The following HCN1 variants were observed in gnomAD, a reference collection of about 807,000 sequenced individuals.
HCN1 encodes the protein potassium/sodium hyperpolarization-activated cyclic nucleotide-gated channel 1.
A neutral mutation model predicts 78.9 loss-of-function variants in HCN1; 13 were observed. That is an observed-to-expected ratio of 0.16 (90% confidence interval 0.11 to 0.26). The LOEUF is 0.26. Among genes scored for constraint, HCN1 ranks in the 10% least tolerant of loss-of-function variants. The pLI, the probability that HCN1 is intolerant of heterozygous loss-of-function variation, is 1.00. For missense variants in HCN1, 810 were observed against 1,154.3 expected (o/e 0.70, Z 4.32); for synonymous variants, 552 against 455.5 (o/e 1.21, Z -2.70).
chr5:45,420,079 G>C (rs1740197230), intron 3 of HCN1, among the ~76,000 whole-genome samples: 1 of 152,148 alleles, frequency 6.6e-6, no homozygotes, highest in Non-Finnish European at 1.5e-5. Context: ...ACTGAAGAAA[G>C]CCATTTATCT....
chr5:45,636,700 T>A lies in HCN1; in HGVS notation c.849+8485A>T, dbSNP rs556044828. On this transcript the variant is annotated intron_variant, in intron 2 of 7. Coordinates refer to ENST00000303230, the MANE Select transcript of HCN1 (RefSeq NM_021072.4). Reference sequence around the variant, plus strand: ...CTGTCTGTACAAAAGAAAAATTTTTTAAATTAGCCAGGAGTGGTGGCATGC... The same window carrying A: ...CTGTCTGTACAAAAGAAAAATTTTTAAAATTAGCCAGGAGTGGTGGCATGC... Among the ~76,000 whole-genome samples the A allele has an allele frequency of 9.9e-5, 15 of 152,130 alleles. 1 individual carries two copies. Among genetic ancestry groups the A allele is most frequent in the African/African-American group, 2.9e-4 (12 of 41,518 alleles).
chr5:45,362,292 T>C (rs1031876665), intron 4 of HCN1, among the ~76,000 whole-genome samples: 5 of 151,990 alleles, frequency 3.3e-5, no homozygotes, highest in East Asian at 3.9e-4. Context: ...TTTTTTTAAA[T>C]TGGACCATTT....
chr5:45,456,356 A>T (rs1442067228), intron 3 of HCN1, among the ~76,000 whole-genome samples: 2 of 152,048 alleles, frequency 1.3e-5, no homozygotes, highest in African/African-American at 4.8e-5. Flanking sequence ...AAAAATGCTG[A>T]TAATTACCAT....
rs200761035 is a variant in HCN1 at position 45,478,151 on chromosome 5, C to CA, written c.850-16145dup. ...CCTGGGTGACAATGAGACACTCTGT[C>CA]AAAAAAAAAATTCATATACTTTGAA... On this transcript the variant is annotated intron_variant, in intron 2 of 7. Transcript: ENST00000303230. 3.1e-4 allele frequency among the ~76,000 whole-genome samples: 45 copies of CA among 147,172 alleles called. 1 individual carries two copies. Among genetic ancestry groups the CA allele is most frequent in the East Asian group, 5.9e-4 (3 of 5,092 alleles).
chr5:45,353,275 A>T, intron 4 of HCN1, 29 bp from the exon 5 acceptor site: 3 of 1,519,424 alleles, frequency 2.0e-6, no homozygotes, highest in Non-Finnish European at 2.7e-6. Context: ...AAAATTAAAA[A>T]AAAACATTGT....
chr5:45,491,506 T>A (rs1210290208), intron 2 of HCN1, among the ~76,000 whole-genome samples: 3 of 152,204 alleles, frequency 2.0e-5, no homozygotes, highest in Non-Finnish European at 4.4e-5. Flanking sequence ...CTTTGCCACT[T>A]TTTCATAGAC....
intron 2 of HCN1, among the ~76,000 whole-genome samples, chr5:45,547,111 C>A (rs1207374803): frequency 1.3e-5 from 2 of 151,874 alleles, no homozygotes; most frequent in African/African-American, 4.8e-5. Flanking sequence ...ATGACAAAAT[C>A]TTTAATAGGT....
intron 5 of HCN1, among the ~76,000 whole-genome samples, chr5:45,317,290 A>G (rs1030091552): frequency 2.0e-5 from 3 of 152,202 alleles, no homozygotes; most frequent in Admixed American, 6.5e-5. Context: ...GATCTTTGAC[A>G]AACTTGACAA....
At chr5:45,633,243 A>G (rs1745300449) in intron 2 of HCN1, among the ~76,000 whole-genome samples, 1 of 152,034 alleles carries the variant, frequency 6.6e-6, no homozygotes, top group Admixed American at 6.6e-5. Context: ...AATGTCTCAT[A>G]TTATATTCTA....
At chr5:45,393,565 A>C (rs1204986890) in intron 4 of HCN1, among the ~76,000 whole-genome samples, 1 of 152,188 alleles carries the variant, frequency 6.6e-6, no homozygotes, top group African/African-American at 2.4e-5. Context: ...TAGTAACTTA[A>C]AATCTATGGA....
Position 45,345,092 on chromosome 5 carries a change from CCA to C in HCN1, c.1377+8006_1377+8007del, listed in dbSNP as rs533674112. 8.2e-3 allele frequency among the ~76,000 whole-genome samples: 1,253 copies of C among 152,240 alleles called. 4 individuals are homozygous for C. The highest frequency in any genetic ancestry group is 0.013 in the Non-Finnish European group (868 of 68,024). The stretch of plus-strand genomic sequence containing the variant: ...CCTCAGTTCTTGACTTTTGTGACCC[CCA>C]CAGGCTCAACATCATGTGGAAGATC... On this transcript the variant is annotated intron_variant, in intron 5 of 7. Coordinates refer to ENST00000303230, the MANE Select transcript of HCN1 (RefSeq NM_021072.4).
intron 3 of HCN1, among the ~76,000 whole-genome samples, chr5:45,412,146 G>A (rs1740036868): frequency 6.6e-6 from 1 of 152,074 alleles, no homozygotes; most frequent in South Asian, 2.1e-4. Context: ...AACATTCAAA[G>A]CTTAATGATT....
At chr5:45,528,593 C>A (rs959567229) in intron 2 of HCN1, among the ~76,000 whole-genome samples, 1 of 151,794 alleles carries the variant, frequency 6.6e-6, no homozygotes, top group Non-Finnish European at 1.5e-5. Flanking sequence ...GATGAAGTAA[C>A]CTTCCAAAGC....
chr5:45,568,900 C>G (rs1021631592), intron 2 of HCN1, among the ~76,000 whole-genome samples: 1 of 152,022 alleles, frequency 6.6e-6, no homozygotes, highest in African/African-American at 2.4e-5. Flanking sequence ...GGTCTCTGAT[C>G]TTTTTCCACC....
intron 4 of HCN1, among the ~76,000 whole-genome samples, chr5:45,362,379 A>C (rs1477608529): frequency 6.6e-6 from 1 of 152,088 alleles, no homozygotes; most frequent in African/African-American, 2.4e-5. Context: ...ATGACTTTAC[A>C]TAGAATTTCA....
In HCN1 at chr5:45,581,425, T is replaced by G. The variant is rs1021558606; in HGVS notation, c.849+63760A>C. 1.8e-4 allele frequency among the ~76,000 whole-genome samples: 27 copies of G among 152,196 alleles called. 1 individual carries two copies. In the East Asian group the frequency reaches 5.2e-3, roughly 29 times the overall value. ...TTTGTAGATTCTGGATATTAGCCCT[T>G]TGTCAGATGAGTAGATTGTAAAATT... On this transcript the variant is annotated intron_variant, in intron 2 of 7. Coordinates refer to ENST00000303230, the MANE Select transcript of HCN1 (RefSeq NM_021072.4).
intron 2 of HCN1, among the ~76,000 whole-genome samples, chr5:45,470,547 C>A (rs1741370302): frequency 6.6e-6 from 1 of 151,806 alleles, no homozygotes; most frequent in African/African-American, 2.4e-5. Flanking sequence ...AGGAAGGCAT[C>A]ATAATGCTCC....
chr5:45,594,908 A>C (rs73103060), intron 2 of HCN1, among the ~76,000 whole-genome samples: 93 of 152,328 alleles, frequency 6.1e-4, no homozygotes, highest in African/African-American at 2.0e-3. Flanking sequence ...AGTTACTTGG[A>C]AATTCTGGCC....
chr5:45,271,041 A>G (rs1211108875), intron 6 of HCN1, among the ~76,000 whole-genome samples: 1 of 152,106 alleles, frequency 6.6e-6, no homozygotes, highest in Non-Finnish European at 1.5e-5. Flanking sequence ...AAATATTACC[A>G]TTGGTAAGAA....
Sources: allele counts gnomAD v4.1 joint callset (sites outside exome capture counted in the v4.1 genomes callset), GRCh38; gene constraint gnomAD v4.1.1; transcripts MANE v1.5; gene names NCBI Gene and HGNC (gene_info 2026-07-23, HGNC 2026-07-21).